The following TLN2 variants were observed in gnomAD, a reference collection of about 807,000 sequenced individuals.
TLN2 encodes talin-2.
In TLN2, 118 loss-of-function variants were observed where a neutral mutation model predicts 294.7. The ratio of observed to expected loss-of-function variants is 0.40; its 90% CI spans 0.34 to 0.47. The LOEUF is 0.47. Among genes scored for constraint, TLN2 ranks in the 20% least tolerant of loss-of-function variants. The pLI is 0.84. For missense variants in TLN2, 3,083 were observed against 3,282.2 expected (o/e 0.94, Z 1.48); for synonymous variants, 1,431 against 1,304.5 (o/e 1.10, Z -2.09).
chr15:62,731,250 G>C (rs2060708100), intron 28 of TLN2, among the ~76,000 whole-genome samples: 1 of 150,846 alleles, frequency 6.6e-6, no homozygotes, highest in African/African-American at 2.4e-5. Context: ...CCTAATATCT[G>C]GATAGCCTGT....
In TLN2 at chr15:62,708,524, C is replaced by A; in HGVS notation, c.2195C>A (p.Ser732Tyr). 2 of 1,613,928 alleles carry A rather than the reference C, an allele frequency of 1.2e-6. No homozygotes were observed. Among genetic ancestry groups the A allele is most frequent in the South Asian group, 1.1e-5 (1 of 91,080 alleles). ...CAKVVSPTIS[S>Y]PVCQEQLIEA... ...CAGGTTGTGAGCCCCACTATTAGCT[C>A]CCCTGTGTGCCAGGAGCAGCTGATT... Residue 732 changes from serine (S) to tyrosine (Y), a missense_variant, in exon 21 of 59, where the codon TCC becomes TAC. Ser to Tyr is a moderately radical substitution (Grantham distance 144). Transcript: ENST00000636159.
At chr15:62,761,465 G>A (rs186568595) in intron 37 of TLN2, among the ~76,000 whole-genome samples, 2 of 152,126 alleles carry the variant, frequency 1.3e-5, no homozygotes. Context: ...CAGTTGTCCT[G>A]TGAGCTACAC....
intron 1 of TLN2, among the ~76,000 whole-genome samples, chr15:62,588,189 A>G (rs373702810): frequency 1.8e-4 from 27 of 152,122 alleles, no homozygotes; most frequent in African/African-American, 6.5e-4. Flanking sequence ...CTAAAATTAC[A>G]TATTTTTATT....
At chr15:62,598,070 T>C (rs760909860) in intron 2 of TLN2, among the ~76,000 whole-genome samples, 6 of 152,164 alleles carry the variant, frequency 3.9e-5, no homozygotes, top group Admixed American at 1.3e-4. Flanking sequence ...ATCTATAAAA[T>C]TTGCCATCAT....
intron 1 of TLN2, among the ~76,000 whole-genome samples, chr15:62,583,803 C>T (rs2045351414): frequency 6.6e-6 from 1 of 152,028 alleles, no homozygotes; most frequent in African/African-American, 2.4e-5. Context: ...TCTAGTTACA[C>T]CTATTACTAA....
chr15:62,657,263 T>C (rs1170852889), intron 8 of TLN2, among the ~76,000 whole-genome samples: 1 of 152,088 alleles, frequency 6.6e-6, no homozygotes, highest in East Asian at 1.9e-4. Flanking sequence ...TCCCCTGCTG[T>C]CTTGAGTATT....
chr15:62,424,854 T>G (rs1042611151), intron 1 of TLN2, among the ~76,000 whole-genome samples: 1 of 148,476 alleles, frequency 6.7e-6, no homozygotes, highest in African/African-American at 2.5e-5. Context: ...GGTTTCACTG[T>G]GTTGGCCAGG....
At chr15:62,752,532 C>G in intron 35 of TLN2, 105 bp downstream of exon 35, 2 of 1,493,902 alleles carry the variant, frequency 1.3e-6, no homozygotes, top group Non-Finnish European at 1.8e-6. Flanking sequence ...ACCACAGAAA[C>G]CATGGGAAAG....
At position 62,716,523 on chromosome 15, in the gene TLN2, T is replaced by C; in HGVS notation, c.2763+64T>C. ...AATTGCAAAGAGTTATTTGAAAAGA[T>C]AGTTGAATTAACAAGGTGTTGACAA... On this transcript the variant is annotated intron_variant, in intron 23 of 58. Coordinates refer to ENST00000636159, the MANE Select transcript of TLN2 (RefSeq NM_015059.3). 10 of 1,527,928 alleles carry C rather than the reference T, an allele frequency of 6.5e-6. No individual in the cohort carries two copies. The South Asian group carries it at 7.9e-5, about 12-fold the overall frequency. 94.6% of individuals were successfully genotyped at this position (1,527,928 alleles called of 1,614,324 possible). A position where few individuals can be genotyped will look rare whatever the true frequency, so the allele number is the denominator to read the frequency against.
At chr15:62,392,050 C>G (rs867115828) in intron 1 of TLN2, among the ~76,000 whole-genome samples, 2 of 152,248 alleles carry the variant, frequency 1.3e-5, no homozygotes, top group African/African-American at 4.8e-5. Flanking sequence ...GTGGTCGCCC[C>G]GAGGCCGCCG....
intron 9 of TLN2, among the ~76,000 whole-genome samples, chr15:62,672,016 G>C (rs559565998): frequency 9.2e-5 from 14 of 152,044 alleles, no homozygotes; most frequent in Non-Finnish European, 1.8e-4. Flanking sequence ...ATTCTGCTTT[G>C]ATTAATATTA....
chr15:62,820,082 G>C (rs997866512), intron 53 of TLN2, among the ~76,000 whole-genome samples: 1 of 152,166 alleles, frequency 6.6e-6, no homozygotes, highest in Non-Finnish European at 1.5e-5. Context: ...TTAAGGTGAG[G>C]GGTCAGTCCT....
At chr15:62,744,414 T>A (rs1478898082) in intron 32 of TLN2, among the ~76,000 whole-genome samples, 1 of 150,586 alleles carries the variant, frequency 6.6e-6, no homozygotes, top group Non-Finnish European at 1.5e-5. Context: ...ATTTTTTTTT[T>A]TTTTTTTTTT....
At chr15:62,597,289 C>T (rs1339475834) in intron 2 of TLN2, among the ~76,000 whole-genome samples, 1 of 152,146 alleles carries the variant, frequency 6.6e-6, no homozygotes. Flanking sequence ...TCTCTAGATT[C>T]TGAATGTTAA....
intron 1 of TLN2, among the ~76,000 whole-genome samples, chr15:62,588,683 T>TG (rs1361083190): frequency 7.9e-6 from 1 of 127,316 alleles, no homozygotes; most frequent in Non-Finnish European, 1.6e-5. Flanking sequence ...TATATATATA[T>TG]ATATATATAT....
intron 1 of TLN2, among the ~76,000 whole-genome samples, chr15:62,474,513 A>G (rs2037676546): frequency 6.6e-6 from 1 of 152,058 alleles, no homozygotes; most frequent in Admixed American, 6.5e-5. Context: ...GTGGCAGTGC[A>G]TGCCTGTAGT....
chr15:62,740,114 A>G (rs1026286748), intron 31 of TLN2, among the ~76,000 whole-genome samples: 11 of 145,042 alleles, frequency 7.6e-5, no homozygotes, highest in Non-Finnish European at 1.5e-4. Flanking sequence ...ATCTTCTTCT[A>G]GTATCTACAA....
At chr15:62,429,981 C>T (rs140791079) in intron 1 of TLN2, among the ~76,000 whole-genome samples, 237 of 152,168 alleles carry the variant, frequency 1.6e-3, no homozygotes, top group African/African-American at 5.5e-3. Context: ...AGACCTGGCC[C>T]GAACTGATAA....
At chr15:62,539,492 A>G (rs1263024711) in intron 1 of TLN2, among the ~76,000 whole-genome samples, 1 of 152,216 alleles carries the variant, frequency 6.6e-6, no homozygotes, top group African/African-American at 2.4e-5. Context: ...TTAGAGGTCT[A>G]TAGGCAGACT....
Sources: allele counts gnomAD v4.1 joint callset (sites outside exome capture counted in the v4.1 genomes callset), GRCh38; gene constraint gnomAD v4.1.1; transcripts MANE v1.5; gene names NCBI Gene and HGNC (gene_info 2026-07-23, HGNC 2026-07-21).